Variants in MARCHF8 observed in about 807,000 individuals in gnomAD.
MARCHF8 encodes the protein E3 ubiquitin-protein ligase MARCHF8.
A neutral mutation model predicts 51.6 loss-of-function variants in MARCHF8; 40 were observed. The ratio of observed to expected loss-of-function variants is 0.77; its 90% confidence interval spans 0.60 to 1.01. MARCHF8 has a LOEUF of 1.01. Among genes scored for constraint, MARCHF8 ranks in the 50% least tolerant of loss-of-function variants. The pLI is 0.00. For missense variants in MARCHF8, 685 were observed against 708.6 expected, an observed-to-expected ratio of 0.97 and a Z score of 0.38; for synonymous variants, 263 against 280.3, an observed-to-expected ratio of 0.94 and a Z score of 0.62.
At chr10:45,587,264 C>T (rs2044628596) in intron 1 of MARCHF8, among the ~76,000 whole-genome samples, 1 of 152,048 alleles carries the variant, frequency 6.6e-6, no homozygotes, top group South Asian at 2.1e-4. Flanking sequence ...AGACAATATA[C>T]AAAAATCAGC....
At position 45,455,361 on chromosome 10, in the gene MARCHF8, G is replaced by C. The variant is rs1842568122; in HGVS notation, c.*2878C>G. 1 of 152,246 alleles carries C rather than the reference G, an allele frequency of 6.6e-6. No homozygotes were observed. Among genetic ancestry groups the C allele is most frequent in the Non-Finnish European group, 1.5e-5 (1 of 68,064 alleles). The allele number at this position is 152,246 out of a possible 1,614,324, so 9.4% of individuals were successfully genotyped here. On this transcript the variant is annotated 3_prime_UTR_variant, in exon 8 of 8. Coordinates refer to ENST00000453424, the MANE Select transcript of MARCHF8 (RefSeq NM_001282866.2). ...TGCTGAGGCCAGAAGCCTGCTTATG[G>C]TACTGTGACTTATGGGGAGTAGAGG...
At chr10:45,578,756 A>C (rs931935510) in intron 1 of MARCHF8, among the ~76,000 whole-genome samples, 1 of 152,220 alleles carries the variant, frequency 6.6e-6, no homozygotes, top group Non-Finnish European at 1.5e-5. Context: ...ACTGAGAAAA[A>C]TAAAAATCAC....
chr10:45,523,179 C>T (rs1027485666), intron 2 of MARCHF8, among the ~76,000 whole-genome samples: 2 of 152,100 alleles, frequency 1.3e-5, no homozygotes, highest in African/African-American at 2.4e-5. Context: ...CCATTAACAA[C>T]GATTACAGGA....
chr10:45,583,858 G>A (rs2044581775), intron 1 of MARCHF8, among the ~76,000 whole-genome samples: 1 of 151,672 alleles, frequency 6.6e-6, no homozygotes, highest in Non-Finnish European at 1.5e-5. Flanking sequence ...AAAAAAGAAT[G>A]GAGGGAAGGT....
rs1448706383 is a variant in MARCHF8, at chr10:45,458,007, G to A, written c.*232C>T. 2 of 528,714 alleles carry A rather than the reference G, an allele frequency of 3.8e-6. No homozygotes were observed. Among genetic ancestry groups the A allele is most frequent in the Non-Finnish European group, 6.6e-6 (2 of 304,596 alleles). The allele number at this position is 528,714 out of a possible 1,614,324, so 32.8% of individuals were successfully genotyped here. A position where few individuals can be genotyped will look rare whatever the true frequency, so the allele number is the denominator to read the frequency against. ...TGCTGGCTCCCCATGATGTCATCATGGGGTCTTCCACTTTCCCACAGAGCT... is the reference window on the plus strand; with the variant it reads ...TGCTGGCTCCCCATGATGTCATCATAGGGTCTTCCACTTTCCCACAGAGCT... On this transcript the variant is annotated 3_prime_UTR_variant, in exon 8 of 8. Transcript: ENST00000453424.
At chr10:45,561,419 C>T (rs1057125790) in intron 1 of MARCHF8, among the ~76,000 whole-genome samples, 5 of 151,490 alleles carry the variant, frequency 3.3e-5, no homozygotes, top group Non-Finnish European at 7.4e-5. Flanking sequence ...GGATTACAGG[C>T]GTGTGCCACC....
At chr10:45,547,806 T>C (rs957061901) in intron 1 of MARCHF8, among the ~76,000 whole-genome samples, 10 of 152,162 alleles carry the variant, frequency 6.6e-5, no homozygotes, top group African/African-American at 1.7e-4. Context: ...TTTTTGTCTA[T>C]AGAGGGACAA....
chr10:45,585,936 C>T (rs2044613965), intron 1 of MARCHF8, among the ~76,000 whole-genome samples: 1 of 152,056 alleles, frequency 6.6e-6, no homozygotes. Context: ...TAACATCCTT[C>T]TAGACATTTC....
intron 3 of MARCHF8, among the ~76,000 whole-genome samples, chr10:45,467,186 A>T (rs937264473): frequency 6.6e-6 from 1 of 152,218 alleles, no homozygotes; most frequent in African/African-American, 2.4e-5. Flanking sequence ...AAAACATTAC[A>T]GGATACTCTC....
At chr10:45,528,056 A>C (rs1016156575) in intron 2 of MARCHF8, among the ~76,000 whole-genome samples, 5 of 152,234 alleles carry the variant, frequency 3.3e-5, no homozygotes, top group African/African-American at 7.2e-5. Context: ...GCATTCTTTC[A>C]TGATAAAAAC....
At chr10:45,578,289 G>A (rs1173810593) in intron 1 of MARCHF8, among the ~76,000 whole-genome samples, 2 of 152,102 alleles carry the variant, frequency 1.3e-5, no homozygotes, top group African/African-American at 2.4e-5. Flanking sequence ...AAGTAAATAG[G>A]TACTCAAAGA....
At chr10:45,491,287 T>G (rs1186151635) in intron 2 of MARCHF8, among the ~76,000 whole-genome samples, 1 of 152,070 alleles carries the variant, frequency 6.6e-6, no homozygotes, top group Admixed American at 6.6e-5. Flanking sequence ...AAAGATCAAG[T>G]TTCACTTTGG....
intron 1 of MARCHF8, among the ~76,000 whole-genome samples, chr10:45,577,292 A>G (rs935422176): frequency 1.3e-5 from 2 of 152,144 alleles, no homozygotes; most frequent in Non-Finnish European, 2.9e-5. Context: ...GAAAGGATGA[A>G]TAAGACTCAC....
At chr10:45,538,729 C>T (rs1447161243), upstream of MARCHF8, among the ~76,000 whole-genome samples, 1 of 152,166 alleles carries the variant, frequency 6.6e-6, no homozygotes, top group East Asian at 1.9e-4. Context: ...AAGGCCATTA[C>T]ATAATGGTAA....
At chr10:45,576,974 GA>G (rs58593536) in intron 1 of MARCHF8, among the ~76,000 whole-genome samples, 6,170 of 120,400 alleles carry the variant, frequency 0.051, 155 homozygotes, top group Non-Finnish European at 0.061. Context: ...AAAGAGAAAA[GA>G]AAAAAAAAAA....
intron 2 of MARCHF8, among the ~76,000 whole-genome samples, chr10:45,499,428 TTAAATTTTGATGTAATC>T: frequency 6.6e-6 from 1 of 152,308 alleles, no homozygotes; most frequent in South Asian, 2.1e-4. Context: ...CCCAGAAGTT[TTAAATTTTGATGTAATC>T]TAATTTCTGT....
intron 1 of MARCHF8, among the ~76,000 whole-genome samples, chr10:45,546,041 A>G (rs193187658): frequency 6.6e-6 from 1 of 152,214 alleles, no homozygotes; most frequent in Admixed American, 6.5e-5. Context: ...CCACTAAAAA[A>G]CAGTCTGATG....
chr10:45,485,864 T>C (rs1329155819), intron 3 of MARCHF8, among the ~76,000 whole-genome samples: 3 of 152,156 alleles, frequency 2.0e-5, no homozygotes, highest in African/African-American at 4.8e-5. Context: ...ATGTCCACAT[T>C]GTGGCCTCCT....
intron 1 of MARCHF8, among the ~76,000 whole-genome samples, chr10:45,548,851 C>T (rs955920835): frequency 1.3e-5 from 2 of 152,008 alleles, no homozygotes; most frequent in Non-Finnish European, 2.9e-5. Context: ...AGAAATTAGC[C>T]GAGAGTAGTG....
Sources: gnomAD v4.1 joint callset for allele counts (sites outside exome capture counted in the v4.1 genomes callset) on GRCh38, gnomAD v4.1.1 for gene constraint, MANE v1.5 for transcripts, NCBI Gene and HGNC (gene_info 2026-07-23, HGNC 2026-07-21) for gene names.